The following TEX36 variants were observed in gnomAD, a reference collection of about 807,000 sequenced individuals.
The protein encoded by TEX36 is testis-expressed protein 36.
TEX36 carries 12 observed loss-of-function variants against 13.6 expected under a neutral mutation model. That is an observed-to-expected ratio of 0.88 (90% confidence interval 0.56 to 1.43). The LOEUF (loss-of-function observed/expected upper bound fraction) is 1.43. TEX36 is among the 40% of genes most tolerant of loss of function. The probability of loss-of-function intolerance (pLI) is 0.00; values close to 1 mark genes in which losing one functional copy is unlikely to be tolerated. For missense variants in TEX36, 224 were observed against 228.3 expected (o/e 0.98, Z 0.12); for synonymous variants, 93 against 83.0 (o/e 1.12, Z -0.65).
chr10:125,645,227 T>C (rs1846750882), intron 3 of TEX36, among the ~76,000 whole-genome samples: 2 of 152,198 alleles, frequency 1.3e-5, no homozygotes, highest in Non-Finnish European at 2.9e-5. Context: ...ACTATAGTTT[T>C]AATATTTTCC....
At chr10:125,664,699 G>A (rs1213447672) in intron 1 of TEX36, among the ~76,000 whole-genome samples, 1 of 152,100 alleles carries the variant, frequency 6.6e-6, no homozygotes, top group Non-Finnish European at 1.5e-5. Flanking sequence ...TAAGTTTCCT[G>A]AGGCCTCCCC....
chr10:125,678,908 C>T lies in TEX36; in HGVS notation c.51+4031G>A, dbSNP rs192104669. Among the ~76,000 whole-genome samples, 763 of 152,182 alleles carry T rather than the reference C, an allele frequency of 5.0e-3. 9 individuals carry two copies. Among genetic ancestry groups the T allele is most frequent in the African/African-American group, 0.018 (732 of 41,506 alleles). ...CCCAAAATATGACAGCAGGCACCAG[C>T]CATCGTGAGCAGGAGCAGGCCCCAG... On this transcript the variant is annotated intron_variant, in intron 1 of 3. Transcript: ENST00000368821.
intron 1 of TEX36, among the ~76,000 whole-genome samples, chr10:125,664,730 C>T (rs1847097783): frequency 6.6e-6 from 1 of 152,176 alleles, no homozygotes; most frequent in African/African-American, 2.4e-5. Flanking sequence ...AACTGTGAAT[C>T]AATTAAACCT....
At chr10:125,677,065 ATTGT>A (rs1847324345) in intron 1 of TEX36, among the ~76,000 whole-genome samples, 1 of 152,306 alleles carries the variant, frequency 6.6e-6, no homozygotes, top group African/African-American at 2.4e-5. Context: ...TGAGAAACCT[ATTGT>A]TAGTCTGACG....
In TEX36 at chr10:125,624,553, C is replaced by T. The variant is rs572412522; in HGVS notation, c.265-2908G>A. 2.0e-5 allele frequency among the ~76,000 whole-genome samples: 3 copies of T among 152,090 alleles called. No homozygotes were observed. In the South Asian group the frequency reaches 6.2e-4, roughly 32 times the overall value. On this transcript the variant is annotated intron_variant, in intron 3 of 3. Transcript: ENST00000526819. ...GGCTGGTCATAGCCAGTCAGAGGTGCCATACAGCCCCAGAGGTCTCCATAC... is the reference window on the plus strand; with the variant it reads ...GGCTGGTCATAGCCAGTCAGAGGTGTCATACAGCCCCAGAGGTCTCCATAC...
chr10:125,630,628 C>A (rs375181183), intron 3 of TEX36, among the ~76,000 whole-genome samples: 1 of 152,052 alleles, frequency 6.6e-6, no homozygotes, highest in Non-Finnish European at 1.5e-5. Context: ...GACATGAATA[C>A]GGGGAAATGC....
chr10:125,621,566 G>A (rs1459490577), downstream of TEX36: 15 of 455,724 alleles, frequency 3.3e-5, no homozygotes, highest in Non-Finnish European at 5.3e-5. Context: ...TAGGATATAT[G>A]TATGTATAAA....
At chr10:125,619,664 C>A (rs1197553696), downstream of TEX36, among the ~76,000 whole-genome samples, 1 of 151,968 alleles carries the variant, frequency 6.6e-6, no homozygotes, top group African/African-American at 2.4e-5. Flanking sequence ...TCAAGCAATT[C>A]TCCTGCCTCA....
chr10:125,589,684 A>T (rs1179131083), intron 3 of TEX36, among the ~76,000 whole-genome samples: 3 of 152,210 alleles, frequency 2.0e-5, no homozygotes, highest in Non-Finnish European at 4.4e-5. Context: ...CTAACCCTAA[A>T]CTATCTTTGC....
At chr10:125,678,568 G>A (rs1847345457) in intron 1 of TEX36, among the ~76,000 whole-genome samples, 1 of 152,162 alleles carries the variant, frequency 6.6e-6, no homozygotes, top group Non-Finnish European at 1.5e-5. Context: ...GGGTTCTCAG[G>A]CCCCTAGGCA....
intron 3 of TEX36, among the ~76,000 whole-genome samples, chr10:125,601,480 G>T (rs1846145822): frequency 6.6e-6 from 1 of 152,232 alleles, no homozygotes. Flanking sequence ...GATAATTCAA[G>T]AATTTGTAAT....
chr10:125,607,593 A>G (rs1475703664), intron 3 of TEX36, among the ~76,000 whole-genome samples: 1 of 152,096 alleles, frequency 6.6e-6, no homozygotes, highest in Non-Finnish European at 1.5e-5. Context: ...TGAGCTCATG[A>G]CAGAGACACA....
intron 3 of TEX36, among the ~76,000 whole-genome samples, chr10:125,629,008 G>C (rs1846521267): frequency 6.6e-6 from 1 of 152,194 alleles, no homozygotes; most frequent in South Asian, 2.1e-4. Flanking sequence ...GAAAGCTGAG[G>C]TTAAGAAAAG....
At chr10:125,608,035 G>C (rs17153269) in intron 3 of TEX36, among the ~76,000 whole-genome samples, 2 of 152,082 alleles carry the variant, frequency 1.3e-5, no homozygotes, top group East Asian at 3.9e-4. Context: ...GAGCAGCTAC[G>C]GTCAACGAGT....
intron 3 of TEX36, among the ~76,000 whole-genome samples, chr10:125,644,488 T>C (rs1223767543): frequency 1.3e-5 from 2 of 152,212 alleles, no homozygotes; most frequent in Non-Finnish European, 2.9e-5. Context: ...GTGCATATTA[T>C]GTAAATGTCA....
rs2133596676 is a variant in TEX36 at position 125,661,936 on chromosome 10, G to A, written c.93C>T (p.Ile31=). Residue 31 remains isoleucine (I), a synonymous_variant, in exon 2 of 4, where the codon ATC becomes ATT. Transcript: ENST00000368821. ...GGGGCTCTTTTGACGTAGCACTGGT[G>A]ATGGATTCTGGTGTCTTTTGCGTTA... is the stretch of plus-strand genomic sequence containing the variant. The part of the protein sequence containing the change: ...IGLTQKTPES[I]TSATSKEPQS... 6.4e-7 allele frequency: 1 copy of A among 1,552,358 alleles called. No homozygotes were observed. The highest frequency in any genetic ancestry group is 8.7e-7 in the Non-Finnish European group (1 of 1,147,138).
In TEX36 at chr10:125,588,740, G is replaced by A. The variant is rs532802422; in HGVS notation, c.265-11866C>T. 3.7e-4 allele frequency among the ~76,000 whole-genome samples: 57 copies of A among 152,294 alleles called. 1 individual carries two copies. The highest frequency in any genetic ancestry group is 3.1e-3 in the Admixed American group (48 of 15,292). Reference sequence around the variant, plus strand: ...AGCGATTCTCCTGCCTCAGCCTCCCGAGTAGCTGGGACTATAGGCGTGTGC... The same window carrying A: ...AGCGATTCTCCTGCCTCAGCCTCCCAAGTAGCTGGGACTATAGGCGTGTGC... On this transcript the variant is annotated intron_variant, in intron 3 of 3. Transcript: ENST00000532135.
intron 3 of TEX36, among the ~76,000 whole-genome samples, chr10:125,623,322 C>T (rs531448628): frequency 2.0e-5 from 3 of 152,104 alleles, no homozygotes; most frequent in Non-Finnish European, 4.4e-5. Context: ...AGGGTAGGTC[C>T]TCCTCTCCTA....
intron 3 of TEX36, among the ~76,000 whole-genome samples, chr10:125,641,847 ATCC>A (rs1846697583): frequency 6.6e-6 from 1 of 152,210 alleles, no homozygotes; most frequent in Non-Finnish European, 1.5e-5. Context: ...CCTGTGCAGT[ATCC>A]TTTTGTTTTT....
Sources: gnomAD v4.1 joint callset for allele counts (sites outside exome capture counted in the v4.1 genomes callset) on GRCh38, gnomAD v4.1.1 for gene constraint, MANE v1.5 for transcripts, NCBI Gene and HGNC (gene_info 2026-07-23, HGNC 2026-07-21) for gene names.